The following SVOP variants were observed in gnomAD, a reference collection of about 807,000 sequenced individuals.
SVOP encodes the protein SV2 related protein.
In SVOP, 17 loss-of-function variants were observed where a neutral mutation model predicts 69.1. That is an observed-to-expected ratio of 0.25 (90% CI 0.17 to 0.37). SVOP has a LOEUF of 0.37. Among genes scored for constraint, SVOP ranks in the 10% least tolerant of loss-of-function variants. The probability of loss-of-function intolerance (pLI) is 1.00; values close to 1 mark genes in which losing one functional copy is unlikely to be tolerated. For synonymous variants in SVOP, 238 were observed against 238.6 expected, an observed-to-expected ratio of 1.00 and a Z score of 0.02; for missense variants, 435 against 597.5, an observed-to-expected ratio of 0.73 and a Z score of 2.84.
intron 1 of SVOP, among the ~76,000 whole-genome samples, chr12:109,001,539 C>T (rs1479080939): frequency 3.4e-4 from 50 of 145,286 alleles, no homozygotes; most frequent in Non-Finnish European, 6.1e-4. Context: ...GGAGGCATCA[C>T]ACTACCTGAC....
At chr12:108,926,204 G>A (rs2137394526) in intron 11 of SVOP, among the ~76,000 whole-genome samples, 1 of 152,236 alleles carries the variant, frequency 6.6e-6, no homozygotes, top group African/African-American at 2.4e-5. Context: ...ACAGGTGTGA[G>A]CCACCACACC....
intron 1 of SVOP, among the ~76,000 whole-genome samples, chr12:108,987,467 G>A (rs1467071901): frequency 3.3e-5 from 5 of 152,158 alleles, no homozygotes; most frequent in Admixed American, 6.5e-5. Context: ...CCCATAAGAC[G>A]AATTACTGGA....
At chr12:108,994,093 G>A (rs779122686) in intron 1 of SVOP, among the ~76,000 whole-genome samples, 2 of 152,118 alleles carry the variant, frequency 1.3e-5, no homozygotes, top group Non-Finnish European at 2.9e-5. Flanking sequence ...GGTAATTTGT[G>A]ATAGCTTTCA....
intron 15 of SVOP, among the ~76,000 whole-genome samples, chr12:108,914,285 T>C (rs1444118312): frequency 2.0e-5 from 3 of 152,298 alleles, no homozygotes; most frequent in Non-Finnish European, 4.4e-5. Context: ...ATAGAAGCAG[T>C]GGTTGCCCAA....
Position 108,922,739 on chromosome 12 carries a change from A to G in SVOP, c.1107T>C (p.Ser369=). The G allele has an allele frequency of 6.2e-7, 1 of 1,611,154 alleles. No homozygotes were observed. The highest frequency in any genetic ancestry group is 8.5e-7 in the Non-Finnish European group (1 of 1,179,100). The change falls in exon 12 of 16, where the codon AGT becomes AGC. Residue 369 remains serine, a synonymous_variant. Transcript: ENST00000610966. ...ACAGCAAGTCCATGTAATCCTCCTCACTCAGGTACTCGCAGGCCAGGCTGC... is the reference window on the plus strand; with the variant it reads ...ACAGCAAGTCCATGTAATCCTCCTCGCTCAGGTACTCGCAGGCCAGGCTGC... ...AKCSLACEYL[S]EEDYMDLLWT...
intron 1 of SVOP, among the ~76,000 whole-genome samples, chr12:109,020,470 C>T (rs537934496): frequency 4.6e-5 from 7 of 152,250 alleles, no homozygotes; most frequent in African/African-American, 7.2e-5. Context: ...TGGAAAGGAC[C>T]GATGTCATTG....
chr12:109,017,102 A>C (rs967112696), intron 1 of SVOP, among the ~76,000 whole-genome samples: 1 of 152,036 alleles, frequency 6.6e-6, no homozygotes, highest in African/African-American at 2.4e-5. Context: ...GGGGTCCCCA[A>C]TCCCTGGGCC....
At chr12:109,020,753 T>TGGGGGGGGGGGGGC in intron 1 of SVOP, 81 bp downstream of exon 1, 1 of 317,722 alleles carries the variant, frequency 3.1e-6, no homozygotes, top group Non-Finnish European at 5.9e-6. Flanking sequence ...TGCAGAGATG[T>TGGGGGGGGGGGGGC]ACCCCCCCCC....
chr12:109,005,537 G>T (rs762112585), intron 1 of SVOP, among the ~76,000 whole-genome samples: 1 of 152,110 alleles, frequency 6.6e-6, no homozygotes, highest in Non-Finnish European at 1.5e-5. Flanking sequence ...TGGTTGGCAA[G>T]GTGGTTAATA....
At chr12:108,916,750 CTTAT>C (rs2039716509) in intron 14 of SVOP, among the ~76,000 whole-genome samples, 1 of 152,096 alleles carries the variant, frequency 6.6e-6, no homozygotes, top group East Asian at 1.9e-4. Flanking sequence ...ATTTTATTTA[CTTAT>C]TTATTTGAGA....
intron 11 of SVOP, among the ~76,000 whole-genome samples, chr12:108,924,991 A>G (rs1297243337): frequency 1.3e-5 from 2 of 151,720 alleles, no homozygotes; most frequent in African/African-American, 4.8e-5. Context: ...CTTCCTGCTG[A>G]CCTCAAGTTT....
chr12:108,971,459 G>A (rs1052132731), intron 5 of SVOP, among the ~76,000 whole-genome samples: 2 of 151,088 alleles, frequency 1.3e-5, no homozygotes, highest in African/African-American at 4.9e-5. Flanking sequence ...ATGTCAGTTT[G>A]CTTGCCCAAG....
intron 4 of SVOP, among the ~76,000 whole-genome samples, chr12:108,973,774 G>C (rs1273002522): frequency 3.9e-5 from 6 of 152,098 alleles, no homozygotes; most frequent in Admixed American, 3.9e-4. Context: ...AACGAGTTAG[G>C]AGTCTTCTTC....
In SVOP at chr12:108,973,079, G is replaced by A. The variant is rs1290997510; in HGVS notation, c.382-603C>T. On this transcript the variant is annotated intron_variant, in intron 4 of 15. Transcript: ENST00000610966. ...GCCTCCCTGAAAGGAGAGAGTAGAG[G>A]CAAGTCTTAAGCCCAAGCAGGCTGA... 5.9e-5 allele frequency among the ~76,000 whole-genome samples: 9 copies of A among 152,138 alleles called. No individual in the cohort carries two copies. The East Asian group carries it at 1.5e-3, about 26-fold the overall frequency.
At chr12:108,928,057 C>A (rs2039792584) in intron 11 of SVOP, among the ~76,000 whole-genome samples, 1 of 151,930 alleles carries the variant, frequency 6.6e-6, no homozygotes, top group Non-Finnish European at 1.5e-5. Context: ...AGGCACATGC[C>A]ATCATGCCTG....
intron 1 of SVOP, among the ~76,000 whole-genome samples, chr12:109,002,047 T>C (rs1342082474): frequency 8.3e-4 from 104 of 124,644 alleles, no homozygotes; most frequent in Non-Finnish European, 9.6e-4. Context: ...AGAAAATTTT[T>C]GCAACCTACT....
chr12:108,993,329 G>GA (rs913105546), intron 1 of SVOP, among the ~76,000 whole-genome samples: 2 of 134,422 alleles, frequency 1.5e-5, no homozygotes, highest in Admixed American at 7.7e-5. Flanking sequence ...TTTCTAAGGG[G>GA]AAAAAAAAGG....
intron 7 of SVOP, among the ~76,000 whole-genome samples, chr12:108,944,220 C>G (rs984861861): frequency 6.6e-6 from 1 of 151,426 alleles, no homozygotes; most frequent in African/African-American, 2.4e-5. Flanking sequence ...CTCTGCCACT[C>G]AGGCTGGAGT....
At chr12:108,960,470 C>T (rs528486123) in intron 6 of SVOP, among the ~76,000 whole-genome samples, 10 of 152,176 alleles carry the variant, frequency 6.6e-5, no homozygotes, top group East Asian at 1.9e-4. Flanking sequence ...CTCTGCCTTG[C>T]GTTTAGGTAG....
Sources: allele counts gnomAD v4.1 joint callset (sites outside exome capture counted in the v4.1 genomes callset), GRCh38; gene constraint gnomAD v4.1.1; transcripts MANE v1.5; gene names NCBI Gene and HGNC (gene_info 2026-07-23, HGNC 2026-07-21).